Variants in ANKS1B observed in about 807,000 individuals in gnomAD.
The protein encoded by ANKS1B is ankyrin repeat and sterile alpha motif domain containing 1B.
ANKS1B carries 36 observed loss-of-function variants against 148.3 expected under a neutral mutation model. That is an observed-to-expected ratio of 0.24 (90% confidence interval 0.19 to 0.32). The LOEUF is 0.32. Among genes scored for constraint, ANKS1B ranks in the 10% least tolerant of loss-of-function variants. The pLI is 1.00. For synonymous variants in ANKS1B, 542 were observed against 560.8 expected (o/e 0.97, Z 0.47); for missense variants, 1,157 against 1,542.6 (o/e 0.75, Z 4.19).
chr12:99,331,357 A>G (rs923124387), intron 12 of ANKS1B, among the ~76,000 whole-genome samples: 13 of 152,008 alleles, frequency 8.6e-5, no homozygotes, highest in African/African-American at 2.9e-4. Context: ...ATCTCTAATT[A>G]TAAGTCGACA....
chr12:99,013,911 A>C (rs1207997078), intron 17 of ANKS1B, among the ~76,000 whole-genome samples: 1 of 152,252 alleles, frequency 6.6e-6, no homozygotes, highest in Non-Finnish European at 1.5e-5. Flanking sequence ...ATGGATAGGA[A>C]GAATCAATAT....
At chr12:98,754,779 G>A (rs935928754) in intron 25 of ANKS1B, among the ~76,000 whole-genome samples, 4 of 152,344 alleles carry the variant, frequency 2.6e-5, no homozygotes, top group Admixed American at 1.3e-4. Flanking sequence ...GAGAGAATGT[G>A]TTAGAAGTCC....
intron 9 of ANKS1B, among the ~76,000 whole-genome samples, chr12:99,557,359 TA>T (rs1208837433): frequency 6.6e-6 from 1 of 152,226 alleles, no homozygotes; most frequent in African/African-American, 2.4e-5. Flanking sequence ...TTCATTTTTT[TA>T]ATTCTTTTTT....
At chr12:99,068,283 T>C (rs768076494) in intron 16 of ANKS1B, among the ~76,000 whole-genome samples, 9 of 152,158 alleles carry the variant, frequency 5.9e-5, no homozygotes, top group Non-Finnish European at 1.3e-4. Context: ...ATTTTGTCAT[T>C]GTGCGAACAT....
intron 15 of ANKS1B, among the ~76,000 whole-genome samples, chr12:99,098,760 TC>T (rs563677672): frequency 1.4e-4 from 20 of 145,408 alleles, no homozygotes; most frequent in South Asian, 6.9e-4. Flanking sequence ...AATTCAGGGT[TC>T]CCCCCCCCAC....
At chr12:99,790,326 G>A (rs1004450880) in intron 4 of ANKS1B, among the ~76,000 whole-genome samples, 1 of 152,010 alleles carries the variant, frequency 6.6e-6, no homozygotes, top group Non-Finnish European at 1.5e-5. Flanking sequence ...AAAATCTGAG[G>A]GATTTCATCA....
At chr12:99,973,044 C>T (rs2095579589) in intron 1 of ANKS1B, among the ~76,000 whole-genome samples, 1 of 152,138 alleles carries the variant, frequency 6.6e-6, no homozygotes, top group African/African-American at 2.4e-5. Flanking sequence ...ATGTTGAGAC[C>T]TACCACTCAC....
At chr12:99,657,844 C>T (rs1405761184) in intron 8 of ANKS1B, among the ~76,000 whole-genome samples, 2 of 125,174 alleles carry the variant, frequency 1.6e-5, no homozygotes, top group Admixed American at 1.9e-4. Flanking sequence ...AATGGTGCTA[C>T]AATGATTTAA....
exon 10 of ANKS1B, chr12:98,735,115 G>T (rs2097767572): frequency 2.5e-6 from 1 of 398,438 alleles, no homozygotes; most frequent in South Asian, 1.3e-4. Flanking sequence ...AAGGTAACAT[G>T]AAGAAAGAAG....
At chr12:99,523,014 G>A (rs1184862971) in intron 9 of ANKS1B, among the ~76,000 whole-genome samples, 1 of 152,182 alleles carries the variant, frequency 6.6e-6, no homozygotes, top group Non-Finnish European at 1.5e-5. Flanking sequence ...TTGCCCAAAA[G>A]TACCAATAAT....
intron 10 of ANKS1B, among the ~76,000 whole-genome samples, chr12:99,444,929 A>C (rs929630535): frequency 6.6e-6 from 1 of 151,976 alleles, no homozygotes; most frequent in Non-Finnish European, 1.5e-5. Context: ...AAAGGGATGA[A>C]TTATCATAAA....
At chr12:98,824,639 AG>A (rs1406778884) in intron 19 of ANKS1B, among the ~76,000 whole-genome samples, 2 of 152,234 alleles carry the variant, frequency 1.3e-5, no homozygotes, top group African/African-American at 4.8e-5. Flanking sequence ...ACAGCCAGAA[AG>A]AAACCAAATC....
At chr12:99,546,160 A>G (rs1371516189) in intron 9 of ANKS1B, among the ~76,000 whole-genome samples, 1 of 152,204 alleles carries the variant, frequency 6.6e-6, no homozygotes, top group Non-Finnish European at 1.5e-5. Flanking sequence ...GTGACAATTT[A>G]TAATTCATTC....
At chr12:99,068,064 G>A (rs908412133) in intron 16 of ANKS1B, among the ~76,000 whole-genome samples, 1 of 151,924 alleles carries the variant, frequency 6.6e-6, no homozygotes, top group Non-Finnish European at 1.5e-5. Context: ...AGGCACTATA[G>A]TGCATCATAT....
At chr12:99,312,986 T>C (rs1430450485) in intron 12 of ANKS1B, among the ~76,000 whole-genome samples, 3 of 152,076 alleles carry the variant, frequency 2.0e-5, no homozygotes, top group Admixed American at 1.3e-4. Context: ...ATCCAGGAGA[T>C]GGTTTTTTGA....
intron 1 of ANKS1B, among the ~76,000 whole-genome samples, chr12:99,919,093 C>T (rs2094266195): frequency 6.6e-6 from 1 of 152,124 alleles, no homozygotes; most frequent in Admixed American, 6.5e-5. Flanking sequence ...TTCAGCTGGC[C>T]CTATGCTTGA....
chr12:99,271,772 T>C (rs1009029643), intron 12 of ANKS1B, among the ~76,000 whole-genome samples: 3 of 150,172 alleles, frequency 2.0e-5, no homozygotes, highest in Non-Finnish European at 3.0e-5. Context: ...CAACATGGCA[T>C]AGTAGGACCT....
chr12:99,481,082 C>T (rs2152933935), intron 10 of ANKS1B, among the ~76,000 whole-genome samples: 1 of 151,540 alleles, frequency 6.6e-6, no homozygotes, highest in Admixed American at 6.6e-5. Context: ...ATGTTACACG[C>T]ATGAATTATA....
intron 14 of ANKS1B, among the ~76,000 whole-genome samples, chr12:99,186,226 G>A (rs2079830552): frequency 6.6e-6 from 1 of 152,158 alleles, no homozygotes; most frequent in Non-Finnish European, 1.5e-5. Flanking sequence ...TGAAAGAAAG[G>A]CAGCAGCCCC....
Sources: allele counts gnomAD v4.1 joint callset (sites outside exome capture counted in the v4.1 genomes callset), GRCh38; gene constraint gnomAD v4.1.1; transcripts MANE v1.5; gene names NCBI Gene and HGNC (gene_info 2026-07-23, HGNC 2026-07-21).